The following BCL11A variants were observed in gnomAD, a reference collection of about 807,000 sequenced individuals.
The protein encoded by BCL11A is B cell CLL/lymphoma 11A.
In BCL11A, 2 loss-of-function variants were observed where a neutral mutation model predicts 55.9. The ratio of observed to expected loss-of-function variants is 0.04; its 90% CI spans 0.01 to 0.11. The LOEUF (loss-of-function observed/expected upper bound fraction) is 0.11, where lower values mean the gene tolerates loss of function less well. BCL11A is among the 10% of genes least tolerant of loss of function. The pLI, the probability that BCL11A is intolerant of heterozygous loss-of-function variation, is 1.00. For synonymous variants in BCL11A, 465 were observed against 473.4 expected, an observed-to-expected ratio of 0.98 and a Z score of 0.23; for missense variants, 817 against 1,137.1, an observed-to-expected ratio of 0.72 and a Z score of 4.05.
At chr2:60,493,203 G>A (rs528929036) in intron 2 of BCL11A, among the ~76,000 whole-genome samples, 5 of 152,212 alleles carry the variant, frequency 3.3e-5, no homozygotes, top group African/African-American at 9.6e-5. Context: ...ACCATAGGGC[G>A]TTTATCCATT....
At chr2:60,489,739 G>A (rs966543398) in intron 2 of BCL11A, among the ~76,000 whole-genome samples, 83 of 151,738 alleles carry the variant, frequency 5.5e-4, no homozygotes, top group Non-Finnish European at 8.8e-4. Context: ...CTTTCCAACT[G>A]TCTATTTACT....
At chr2:60,534,532 A>G (rs1669588578) in intron 2 of BCL11A, 1 of 152,204 alleles carries the variant, frequency 6.6e-6, no homozygotes. Flanking sequence ...CAGGCAATAC[A>G]TATTTCTCTA....
At chr2:60,533,402 C>T (rs747914680) in intron 2 of BCL11A, 1 of 152,164 alleles carries the variant, frequency 6.6e-6, no homozygotes, top group African/African-American at 2.4e-5. Context: ...GAGATTTATA[C>T]ACTGGCTTCC....
chr2:60,455,679 G>A (rs965371125), downstream of BCL11A, among the ~76,000 whole-genome samples: 1 of 152,112 alleles, frequency 6.6e-6, no homozygotes, highest in African/African-American at 2.4e-5. Context: ...ACCTAATTAC[G>A]CTAAGAGCAG....
At chr2:60,498,811 A>G (rs918033766) in intron 2 of BCL11A, among the ~76,000 whole-genome samples, 2 of 152,162 alleles carry the variant, frequency 1.3e-5, no homozygotes, top group African/African-American at 2.4e-5. Context: ...TGGCTTAAGG[A>G]AGCCTCTCTG....
At chr2:60,472,676 G>A (rs978676012) in intron 2 of BCL11A, among the ~76,000 whole-genome samples, 1 of 152,166 alleles carries the variant, frequency 6.6e-6, no homozygotes, top group African/African-American at 2.4e-5. Context: ...TAAGCCCAGT[G>A]GGATGTTCCT....
chr2:60,452,691 AG>A (rs752196143), downstream of BCL11A: 3 of 1,567,168 alleles, frequency 1.9e-6, no homozygotes, highest in African/African-American at 2.7e-5. Flanking sequence ...GAGACAGAGG[AG>A]GGGGAAAAAA....
chr2:60,466,310 C>A (rs1676604583), intron 3 of BCL11A, among the ~76,000 whole-genome samples: 1 of 152,130 alleles, frequency 6.6e-6, no homozygotes, highest in African/African-American at 2.4e-5. Context: ...CTGCTCAACT[C>A]CCTTCTATCC....
At chr2:60,522,107 C>A (rs1040799934) in intron 2 of BCL11A, 7 of 152,204 alleles carry the variant, frequency 4.6e-5, no homozygotes, top group African/African-American at 1.7e-4. Flanking sequence ...TCAGGCAATA[C>A]CTTTATTTTC....
intron 3 of BCL11A, among the ~76,000 whole-genome samples, chr2:60,465,658 T>C (rs143324750): frequency 7.9e-5 from 12 of 152,334 alleles, no homozygotes; most frequent in Admixed American, 6.5e-5. Flanking sequence ...AACTCTGGGA[T>C]AGTCATTTGA....
chr2:60,553,664 A>C (rs1367664977), upstream of BCL11A: 33 of 245,354 alleles, frequency 1.3e-4, no homozygotes, highest in East Asian at 2.8e-4. Context: ...CACACAAAAC[A>C]TGGGCAGGGC....
chr2:60,467,072 G>GTGA (rs1676656005), intron 3 of BCL11A, among the ~76,000 whole-genome samples: 1 of 147,934 alleles, frequency 6.8e-6, no homozygotes. Context: ...GGTGGTGGCA[G>GTGA]TGGTGGTGGT....
intron 2 of BCL11A, among the ~76,000 whole-genome samples, chr2:60,506,576 A>C (rs1679607101): frequency 6.6e-6 from 1 of 152,206 alleles, no homozygotes; most frequent in African/African-American, 2.4e-5. Flanking sequence ...GGCTATACAA[A>C]ACACAGCACC....
At chr2:60,493,926 G>A (rs1678797437) in intron 2 of BCL11A, among the ~76,000 whole-genome samples, 1 of 152,220 alleles carries the variant, frequency 6.6e-6, no homozygotes, top group Admixed American at 6.5e-5. Context: ...ACCCCTGGGG[G>A]AGACAGGGCC....
chr2:60,545,801 T>C (rs551421236), intron 2 of BCL11A, 170 bp downstream of exon 2: 1 of 632,388 alleles, frequency 1.6e-6, no homozygotes, highest in African/African-American at 1.8e-5. Context: ...TATTTTTCTG[T>C]GTTCTGGACG....
At chr2:60,463,146 G>A (rs377618557) in intron 3 of BCL11A, among the ~76,000 whole-genome samples, 1 of 152,204 alleles carries the variant, frequency 6.6e-6, no homozygotes, top group East Asian at 1.9e-4. Context: ...CCATGGGGAC[G>A]TCCATTTTTA....
chr2:60,499,217 G>A (rs1346403419), intron 2 of BCL11A, among the ~76,000 whole-genome samples: 1 of 152,188 alleles, frequency 6.6e-6, no homozygotes, highest in East Asian at 1.9e-4. Context: ...GCCTGGTAGA[G>A]CAAGACAGCC....
chr2:60,520,884 C>G (rs1450238099), intron 2 of BCL11A, among the ~76,000 whole-genome samples: 1 of 152,080 alleles, frequency 6.6e-6, no homozygotes, highest in Admixed American at 6.5e-5. Context: ...TTAGCCCCTT[C>G]TTTGCAGAAA....
intron 2 of BCL11A, among the ~76,000 whole-genome samples, chr2:60,498,022 G>A (rs1250936817): frequency 1.3e-5 from 2 of 152,074 alleles, no homozygotes; most frequent in African/African-American, 4.8e-5. Flanking sequence ...TGGAGGTGGG[G>A]AGATGAGGGA....
Sources: gnomAD v4.1 joint callset for allele counts (sites outside exome capture counted in the v4.1 genomes callset) on GRCh38, gnomAD v4.1.1 for gene constraint, MANE v1.5 for transcripts, NCBI Gene and HGNC (gene_info 2026-07-23, HGNC 2026-07-21) for gene names.